GMDS: variants seen among roughly 807,000 people sequenced by gnomAD.
GMDS encodes the protein GDP-mannose 4,6 dehydratase.
GMDS carries 20 observed loss-of-function variants against 49.9 expected under a neutral mutation model. The observed-to-expected ratio is 0.40, with a 90% confidence interval of 0.28 to 0.58. GMDS has a LOEUF of 0.58. Ranked by LOEUF, GMDS falls within the 20% of genes least tolerant of loss-of-function variation. The pLI is 0.42. For missense variants in GMDS, 362 were observed against 481.4 expected, an observed-to-expected ratio of 0.75 and a Z score of 2.32; for synonymous variants, 177 against 178.6, an observed-to-expected ratio of 0.99 and a Z score of 0.07.
At chr6:2,082,667 C>T (rs771206926) in intron 4 of GMDS, among the ~76,000 whole-genome samples, 2 of 152,150 alleles carry the variant, frequency 1.3e-5, no homozygotes, top group Non-Finnish European at 2.9e-5. Flanking sequence ...TTATGGGTCA[C>T]AAAATCAATT....
At chr6:1,734,106 G>T (rs1766924586) in intron 8 of GMDS, among the ~76,000 whole-genome samples, 1 of 152,192 alleles carries the variant, frequency 6.6e-6, no homozygotes, top group African/African-American at 2.4e-5. Context: ...GGATCTATGA[G>T]AACCTTAGCT....
At chr6:2,183,105 A>G (rs879322005) in intron 1 of GMDS, among the ~76,000 whole-genome samples, 11 of 152,200 alleles carry the variant, frequency 7.2e-5, no homozygotes, top group Non-Finnish European at 1.2e-4. Context: ...TGTTGTTTTC[A>G]TGCCTGCTAA....
At chr6:2,229,347 G>C (rs898011515) in intron 1 of GMDS, among the ~76,000 whole-genome samples, 4 of 140,894 alleles carry the variant, frequency 2.8e-5, no homozygotes, top group African/African-American at 1.1e-4. Flanking sequence ...CAAGATAGGA[G>C]AATCACTTGA....
intron 4 of GMDS, among the ~76,000 whole-genome samples, chr6:2,101,799 C>T (rs12194730): frequency 1.5e-4 from 23 of 151,918 alleles, no homozygotes; most frequent in Non-Finnish European, 3.1e-4. Context: ...AAACATACTT[C>T]GTGATTACAT....
Position 1,641,544 on chromosome 6 carries a change from G to A in GMDS, c.988-17004C>T, listed in dbSNP as rs537085201. Among the ~76,000 whole-genome samples the A allele has an allele frequency of 1.0e-3, 153 of 152,368 alleles. 1 individual carries two copies. The South Asian group carries it at 0.028, about 28-fold the overall frequency. ...TGAAGGGCCACTGCGATCTTTATCAGGTGACTCAGTGCTTAGCACTGGGGA... is the reference window on the plus strand; with the variant it reads ...TGAAGGGCCACTGCGATCTTTATCAAGTGACTCAGTGCTTAGCACTGGGGA... On this transcript the variant is annotated intron_variant, in intron 9 of 10. Coordinates refer to ENST00000380815, the MANE Select transcript of GMDS (RefSeq NM_001500.4).
At chr6:2,173,923 A>G (rs79746497) in intron 1 of GMDS, among the ~76,000 whole-genome samples, 27,860 of 152,180 alleles carry the variant, frequency 0.18, 2,852 homozygotes, top group Middle Eastern at 0.23. Flanking sequence ...TAGCATCGCC[A>G]ATTTACTTAG....
At chr6:1,857,311 T>G (rs1757982292) in intron 7 of GMDS, among the ~76,000 whole-genome samples, 1 of 152,204 alleles carries the variant, frequency 6.6e-6, no homozygotes, top group South Asian at 2.1e-4. Context: ...CCACTCATCA[T>G]AAAGGGAAGC....
chr6:1,928,145 T>C (rs528581645), intron 7 of GMDS, among the ~76,000 whole-genome samples: 1 of 152,218 alleles, frequency 6.6e-6, no homozygotes, highest in East Asian at 1.9e-4. Context: ...GGTGGGTGGA[T>C]CATGAGGTCA....
At chr6:1,645,063 G>A (rs950794713) in intron 9 of GMDS, among the ~76,000 whole-genome samples, 1 of 151,898 alleles carries the variant, frequency 6.6e-6, no homozygotes, top group African/African-American at 2.4e-5. Flanking sequence ...AGCCTCATGA[G>A]TAGCTGGGAT....
intron 7 of GMDS, among the ~76,000 whole-genome samples, chr6:1,758,501 G>A (rs1768038667): frequency 2.0e-5 from 3 of 152,230 alleles, no homozygotes; most frequent in Admixed American, 2.0e-4. Flanking sequence ...GTGCTGCAGA[G>A]GGGGTAGGTG....
Position 2,023,355 on chromosome 6 carries a change from G to A in GMDS, c.346-62389C>T, listed in dbSNP as rs186336343. 3.3e-5 allele frequency among the ~76,000 whole-genome samples: 5 copies of A among 152,234 alleles called. No homozygotes were observed. In the East Asian group the frequency reaches 9.7e-4, roughly 29 times the overall value. Reference sequence around the variant, plus strand: ...AGGACAGGACTTGTGTCTCTTCCTCGTAACAACTATGGGTTGGATAAACTG... The same window carrying A: ...AGGACAGGACTTGTGTCTCTTCCTCATAACAACTATGGGTTGGATAAACTG... On this transcript the variant is annotated intron_variant, in intron 4 of 10. Coordinates refer to ENST00000380815, the MANE Select transcript of GMDS (RefSeq NM_001500.4).
At chr6:2,206,258 C>G (rs1779802372) in intron 1 of GMDS, among the ~76,000 whole-genome samples, 1 of 150,454 alleles carries the variant, frequency 6.6e-6, no homozygotes, top group African/African-American at 2.4e-5. Context: ...AACTCCATCT[C>G]AAGAAAAAAA....
intron 1 of GMDS, 142 bp from the exon 2 acceptor site, chr6:2,124,873 A>G (rs1775333458): frequency 1.5e-6 from 1 of 653,574 alleles, no homozygotes; most frequent in South Asian, 1.8e-5. Context: ...AACACCAATA[A>G]TGTCAATAAA....
At position 1,964,112 on chromosome 6, in the gene GMDS, C is replaced by T. The variant is rs1000025575; in HGVS notation, c.346-3146G>A. Among the ~76,000 whole-genome samples, 5 of 152,184 alleles carry T rather than the reference C, an allele frequency of 3.3e-5. No homozygotes were observed. In the East Asian group the frequency reaches 7.7e-4, roughly 23 times the overall value. The stretch of plus-strand genomic sequence containing the variant: ...ACACACAGACACAAACAATTGCCTA[C>T]GCTTTCCAGAGATTTGTGGATTGCA... On this transcript the variant is annotated intron_variant, in intron 4 of 10. Transcript: ENST00000380815.
In GMDS at chr6:1,861,918, T is replaced by C. The variant is rs1758207525; in HGVS notation, c.771+68185A>G. On this transcript the variant is annotated intron_variant, in intron 7 of 10. Coordinates refer to ENST00000380815, the MANE Select transcript of GMDS (RefSeq NM_001500.4). Reference sequence around the variant, plus strand: ...TACATTTTATCTGTTGCACTGAAAATTATGATTGTTAAAATCTGAACTGAA... The same window carrying C: ...TACATTTTATCTGTTGCACTGAAAACTATGATTGTTAAAATCTGAACTGAA... Among the ~76,000 whole-genome samples, 3 of 152,210 alleles carry C rather than the reference T, an allele frequency of 2.0e-5. No individual in the cohort carries two copies. The South Asian group carries it at 6.2e-4, about 32-fold the overall frequency.
At chr6:2,035,319 T>G (rs936596547) in intron 4 of GMDS, among the ~76,000 whole-genome samples, 2 of 152,214 alleles carry the variant, frequency 1.3e-5, no homozygotes, top group Non-Finnish European at 2.9e-5. Flanking sequence ...CTGACCTGCC[T>G]AGATGCCCTT....
chr6:2,240,615 A>AG (rs1429894776), intron 1 of GMDS, among the ~76,000 whole-genome samples: 4 of 151,802 alleles, frequency 2.6e-5, no homozygotes, highest in African/African-American at 9.7e-5. Context: ...AAAAAAAAAA[A>AG]AAAAAGAAAA....
Position 2,147,277 on chromosome 6 carries a change from A to G in GMDS, c.103-22546T>C, listed in dbSNP as rs996619914. ...AGCGATGGTCTGAAACAAATCATGA[A>G]GATAATCAAAATGGTAACCATTTAA... On this transcript the variant is annotated intron_variant, in intron 1 of 10. Transcript: ENST00000380815. 4.6e-5 allele frequency among the ~76,000 whole-genome samples: 7 copies of G among 152,326 alleles called. No homozygotes were observed. The East Asian group carries it at 1.2e-3, about 25-fold the overall frequency.
At chr6:1,711,279 A>AG (rs1765951998) in intron 9 of GMDS, among the ~76,000 whole-genome samples, 1 of 152,206 alleles carries the variant, frequency 6.6e-6, no homozygotes, top group African/African-American at 2.4e-5. Context: ...GGATCCCTGC[A>AG]GAGTCCTACG....
Sources: gnomAD v4.1 joint callset for allele counts (sites outside exome capture counted in the v4.1 genomes callset) on GRCh38, gnomAD v4.1.1 for gene constraint, MANE v1.5 for transcripts, NCBI Gene and HGNC (gene_info 2026-07-23, HGNC 2026-07-21) for gene names.